The following ABLIM3 variants were observed in gnomAD, a reference collection of about 807,000 sequenced individuals.
ABLIM3 encodes actin-binding LIM protein 3.
Under a neutral mutation model 109.5 loss-of-function variants are expected in ABLIM3, and 61 were observed. That is an observed-to-expected ratio of 0.56 (90% confidence interval 0.45 to 0.69). ABLIM3 has a LOEUF of 0.69. Among genes scored for constraint, ABLIM3 ranks in the 30% least tolerant of loss-of-function variants. The probability of loss-of-function intolerance (pLI) is 0.00; values close to 1 mark genes in which losing one functional copy is unlikely to be tolerated. For missense variants in ABLIM3, 796 were observed against 889.5 expected (o/e 0.89, Z 1.34); for synonymous variants, 300 against 324.8 (o/e 0.92, Z 0.82).
intron 2 of ABLIM3, among the ~76,000 whole-genome samples, chr5:149,154,008 A>G (rs1753663536): frequency 6.6e-6 from 1 of 152,242 alleles, no homozygotes; most frequent in Non-Finnish European, 1.5e-5. Context: ...TGTGCAAAGC[A>G]CAGATCTTTC....
At chr5:149,183,969 T>A (rs948133339) in intron 3 of ABLIM3, among the ~76,000 whole-genome samples, 4 of 132,376 alleles carry the variant, frequency 3.0e-5, no homozygotes, top group Non-Finnish European at 6.4e-5. Flanking sequence ...TTTTGTTTTT[T>A]GGTTTTTTTT....
chr5:149,236,467 G>A (rs1344474295), intron 10 of ABLIM3, among the ~76,000 whole-genome samples: 1 of 152,010 alleles, frequency 6.6e-6, no homozygotes, highest in African/African-American at 2.4e-5. Flanking sequence ...ACAGATCCTG[G>A]TTGATCATAG....
At position 149,156,823 on chromosome 5, in the gene ABLIM3, A is replaced by G. The variant is rs142753124; in HGVS notation, c.13+14715A>G. On this transcript the variant is annotated intron_variant, in intron 2 of 23. Transcript: ENST00000309868. ...TGTGGCATGAAAGCAGCCATAGACA[A>G]TGTGTAAAGAAATGGGTAGAGCTGT... Among the ~76,000 whole-genome samples, 248 of 152,346 alleles carry G rather than the reference A, an allele frequency of 1.6e-3. 1 individual carries two copies. The highest frequency in any genetic ancestry group is 5.7e-3 in the African/African-American group (239 of 41,580).
At chr5:149,203,379 A>C (rs963513553) in intron 5 of ABLIM3, among the ~76,000 whole-genome samples, 1 of 152,024 alleles carries the variant, frequency 6.6e-6, no homozygotes, top group Non-Finnish European at 1.5e-5. Flanking sequence ...CAGATACTGC[A>C]AAAACCTCAT....
intron 2 of ABLIM3, among the ~76,000 whole-genome samples, chr5:149,152,226 A>G (rs1415171736): frequency 6.6e-6 from 1 of 152,214 alleles, no homozygotes; most frequent in African/African-American, 2.4e-5. Context: ...ATCACTTCCT[A>G]TTAAATTACA....
At chr5:149,159,278 G>A (rs1581007655) in intron 2 of ABLIM3, among the ~76,000 whole-genome samples, 1 of 152,252 alleles carries the variant, frequency 6.6e-6, no homozygotes, top group Middle Eastern at 3.4e-3. Context: ...ACACATAAAT[G>A]AGGGCATACT....
intron 3 of ABLIM3, among the ~76,000 whole-genome samples, chr5:149,192,320 G>GA (rs1192437978): frequency 1.3e-5 from 2 of 150,570 alleles, no homozygotes; most frequent in Non-Finnish European, 2.9e-5. Flanking sequence ...CTATAATAAG[G>GA]AGAAAGGAAA....
intron 2 of ABLIM3, among the ~76,000 whole-genome samples, chr5:149,161,005 T>A (rs1226308270): frequency 6.6e-6 from 1 of 152,178 alleles, no homozygotes; most frequent in Non-Finnish European, 1.5e-5. Context: ...CCTAATCCCC[T>A]CCCTCTATCT....
chr5:149,161,119 G>A (rs1581012585), intron 2 of ABLIM3, among the ~76,000 whole-genome samples: 1 of 152,168 alleles, frequency 6.6e-6, no homozygotes, highest in Non-Finnish European at 1.5e-5. Flanking sequence ...CAGGTCCGGA[G>A]CCTGTCCTCT....
chr5:149,144,249 G>A (rs1457315049), intron 2 of ABLIM3, among the ~76,000 whole-genome samples: 1 of 152,174 alleles, frequency 6.6e-6, no homozygotes, highest in African/African-American at 2.4e-5. Flanking sequence ...TTCCCCCCAG[G>A]AGGAAGTGCT....
chr5:149,192,624 CAAAAAAAAAAAAGA>C (rs1199751668), intron 3 of ABLIM3, among the ~76,000 whole-genome samples: 13 of 50,220 alleles, frequency 2.6e-4, no homozygotes, highest in African/African-American at 1.0e-3. Flanking sequence ...GACTCCGTCT[CAAAAAAAAAAAAGA>C]AAAAAAAAAA....
chr5:149,212,768 C>T lies in ABLIM3; in HGVS notation c.669+1949C>T, dbSNP rs968478222. Among the ~76,000 whole-genome samples, 8 of 152,072 alleles carry T rather than the reference C, an allele frequency of 5.3e-5. No homozygotes were observed. In the South Asian group the frequency reaches 6.2e-4, roughly 12 times the overall value. ...AAAAGCTGATCTGGCAGAAACATGG[C>T]GAGTACCATTTAGGATGAGTTGTGA... On this transcript the variant is annotated intron_variant, in intron 7 of 23. Coordinates refer to ENST00000309868, the MANE Select transcript of ABLIM3 (RefSeq NM_014945.5).
intron 6 of ABLIM3, among the ~76,000 whole-genome samples, chr5:149,208,715 C>T (rs567867460): frequency 3.9e-4 from 60 of 152,302 alleles, no homozygotes; most frequent in African/African-American, 1.4e-3. Context: ...GGGACCTCAA[C>T]TGGGAAGGGG....
At chr5:149,172,977 C>T (rs746584217) in intron 2 of ABLIM3, among the ~76,000 whole-genome samples, 21 of 152,188 alleles carry the variant, frequency 1.4e-4, no homozygotes, top group Non-Finnish European at 1.6e-4. Flanking sequence ...GTGATTCTCT[C>T]TCCCAAGGAA....
At chr5:149,248,656 C>G (rs1401694288) in intron 18 of ABLIM3, among the ~76,000 whole-genome samples, 1 of 146,098 alleles carries the variant, frequency 6.8e-6, no homozygotes, top group African/African-American at 2.6e-5. Context: ...CACCACTGCA[C>G]TCCAGCCTGG....
intron 9 of ABLIM3, 41 bp from the exon 10 acceptor site, chr5:149,233,188 G>A (rs760523106): frequency 6.3e-7 from 1 of 1,598,094 alleles, no homozygotes. Flanking sequence ...CCAAGCTCAG[G>A]TTGCAGCTTC....
intron 8 of ABLIM3, chr5:149,219,760 T>A (rs1256989796): frequency 1.3e-5 from 2 of 152,280 alleles, no homozygotes; most frequent in Non-Finnish European, 2.9e-5. Flanking sequence ...CATGGGAACC[T>A]GGAGTTTGCA....
At chr5:149,241,557 G>A (rs1752844313) in intron 14 of ABLIM3, among the ~76,000 whole-genome samples, 2 of 152,138 alleles carry the variant, frequency 1.3e-5, no homozygotes, top group African/African-American at 4.8e-5. Context: ...TCAGGAGTTC[G>A]AGACCAACCT....
chr5:149,189,992 A>C (rs989287068), intron 3 of ABLIM3, among the ~76,000 whole-genome samples: 6 of 152,258 alleles, frequency 3.9e-5, no homozygotes, highest in African/African-American at 1.4e-4. Context: ...ATGGATAAAT[A>C]AAATGTGATC....
Sources: allele counts gnomAD v4.1 joint callset (sites outside exome capture counted in the v4.1 genomes callset), GRCh38; gene constraint gnomAD v4.1.1; transcripts MANE v1.5; gene names NCBI Gene and HGNC (gene_info 2026-07-23, HGNC 2026-07-21).